Variants in FAM184A observed in about 807,000 individuals in gnomAD.
FAM184A encodes the protein protein FAM184A.
Under a neutral mutation model 143.8 loss-of-function variants are expected in FAM184A, and 99 were observed. The ratio of observed to expected loss-of-function variants is 0.69; its 90% CI spans 0.58 to 0.81. The LOEUF (loss-of-function observed/expected upper bound fraction) is 0.81. FAM184A is among the 40% of genes least tolerant of loss of function. FAM184A has a pLI of 0.00. For synonymous variants in FAM184A, 427 were observed against 446.4 expected (o/e 0.96, Z 0.55); for missense variants, 1,217 against 1,310.5 (o/e 0.93, Z 1.10).
intron 1 of FAM184A, among the ~76,000 whole-genome samples, chr6:119,056,740 A>T (rs766287650): frequency 6.6e-6 from 1 of 152,204 alleles, no homozygotes; most frequent in Non-Finnish European, 1.5e-5. Flanking sequence ...CAACCATCAC[A>T]AACATTCTGT....
At chr6:119,010,106 C>T (rs1188161655) in intron 6 of FAM184A, among the ~76,000 whole-genome samples, 2 of 152,158 alleles carry the variant, frequency 1.3e-5, no homozygotes. Context: ...GCAAACAAAA[C>T]TTGTGTGAAC....
At chr6:119,107,645 G>T (rs1788820615) in intron 1 of FAM184A, among the ~76,000 whole-genome samples, 1 of 152,074 alleles carries the variant, frequency 6.6e-6, no homozygotes, top group African/African-American at 2.4e-5. Context: ...GGGCATGGTG[G>T]CATGCACCTG....
chr6:119,122,144 C>T (rs569919136), intron 1 of FAM184A, among the ~76,000 whole-genome samples: 162 of 152,242 alleles, frequency 1.1e-3, no homozygotes, highest in African/African-American at 3.8e-3. Flanking sequence ...ACTGCTCTTT[C>T]TCTGTGGGGA....
chr6:119,085,958 G>C (rs929915959), intron 1 of FAM184A, among the ~76,000 whole-genome samples: 2 of 152,074 alleles, frequency 1.3e-5, no homozygotes, highest in Middle Eastern at 3.2e-3. Flanking sequence ...ACAGCACCAA[G>C]GGGATGGTGC....
intron 1 of FAM184A, among the ~76,000 whole-genome samples, chr6:119,107,725 CCGAGATCT>C (rs1420688665): frequency 6.7e-6 from 1 of 149,892 alleles, no homozygotes; most frequent in Non-Finnish European, 1.5e-5. Flanking sequence ...TTGCAGTGAA[CCGAGATCT>C]CGCCACTGCA....
intron 1 of FAM184A, among the ~76,000 whole-genome samples, chr6:119,075,485 A>G (rs866558302): frequency 6.6e-6 from 1 of 152,210 alleles, no homozygotes; most frequent in Admixed American, 6.5e-5. Context: ...GGCTTGCTCA[A>G]GGTCACAATA....
At chr6:119,096,958 CT>C (rs1483789888) in intron 1 of FAM184A, among the ~76,000 whole-genome samples, 1 of 152,172 alleles carries the variant, frequency 6.6e-6, no homozygotes, top group Non-Finnish European at 1.5e-5. Context: ...GACATTTCCT[CT>C]CTTTTCTCAT....
intron 9 of FAM184A, among the ~76,000 whole-genome samples, chr6:118,999,319 C>A (rs575351718): frequency 1.3e-5 from 2 of 152,216 alleles, no homozygotes; most frequent in East Asian, 3.9e-4. Context: ...ATTAAGCTTC[C>A]TAAAATAAAA....
intron 1 of FAM184A, among the ~76,000 whole-genome samples, chr6:119,117,308 G>A (rs1789085429): frequency 6.6e-6 from 1 of 152,228 alleles, no homozygotes; most frequent in Non-Finnish European, 1.5e-5. Flanking sequence ...ACATAGTGGT[G>A]CCCTTAACTA....
intron 1 of FAM184A, among the ~76,000 whole-genome samples, chr6:119,122,009 T>C (rs1789227448): frequency 6.6e-6 from 1 of 152,190 alleles, no homozygotes; most frequent in South Asian, 2.1e-4. Flanking sequence ...CCTCAAGCAG[T>C]CCTCCCACCT....
rs558106135 is a variant in FAM184A, at chr6:119,049,818, G to A, written c.160-25005C>T. Among the ~76,000 whole-genome samples the A allele has an allele frequency of 5.3e-5, 8 of 152,288 alleles. 2 individuals are homozygous for A. In the South Asian group the frequency reaches 1.7e-3, roughly 32 times the overall value. On this transcript the variant is annotated intron_variant, in intron 1 of 17. Transcript: ENST00000338891. ...GACACCAAAAACAATCACGACAAAA[G>A]CCAAAATTGACAAGTGGGATCTAAT...
intron 1 of FAM184A, among the ~76,000 whole-genome samples, chr6:119,132,643 G>A (rs1012454968): frequency 6.6e-6 from 1 of 152,178 alleles, no homozygotes; most frequent in Admixed American, 6.5e-5. Context: ...ACTCTGCCCT[G>A]TCTATTCTAC....
chr6:119,040,908 C>CT (rs1786304368), intron 1 of FAM184A, among the ~76,000 whole-genome samples: 1 of 152,154 alleles, frequency 6.6e-6, no homozygotes, highest in Admixed American at 6.5e-5. Context: ...TATGTTTGAA[C>CT]TTTTGTTCCA....
Position 119,020,039 on chromosome 6 carries a change from A to C in FAM184A, c.1271T>G (p.Leu424Trp). 1 of 1,605,830 alleles carries C rather than the reference A, an allele frequency of 6.2e-7. No homozygotes were observed. The highest frequency in any genetic ancestry group is 8.5e-7 in the Non-Finnish European group (1 of 1,177,476). Residue 424 changes from leucine (L) to tryptophan (W), a missense_variant, in exon 4 of 18, where the codon TTG becomes TGG. Coordinates refer to ENST00000338891, the MANE Select transcript of FAM184A (RefSeq NM_024581.6). ...LSQLEEERAFLRSKTQSLDEE... is the reference protein window; with the variant it reads ...LSQLEEERAFWRSKTQSLDEE... The stretch of plus-strand genomic sequence containing the variant: ...ATCCAGACTTTGGGTTTTGCTTCGC[A>C]AAAAAGCTCTTTCCTCTTCAAGTTG...
intron 9 of FAM184A, among the ~76,000 whole-genome samples, chr6:118,998,977 T>C (rs1371079590): frequency 6.6e-6 from 1 of 151,984 alleles, no homozygotes; most frequent in Admixed American, 6.6e-5. Flanking sequence ...TGGTAAAGAG[T>C]AGAAACAAGG....
At chr6:118,989,515 A>G in intron 9 of FAM184A, among the ~76,000 whole-genome samples, 1 of 152,060 alleles carries the variant, frequency 6.6e-6, no homozygotes, top group Non-Finnish European at 1.5e-5. Flanking sequence ...CAATCTAAAG[A>G]TAGTTTTTAT....
chr6:119,007,704 G>A (rs750537135), intron 6 of FAM184A, among the ~76,000 whole-genome samples: 1 of 152,166 alleles, frequency 6.6e-6, no homozygotes, highest in Non-Finnish European at 1.5e-5. Flanking sequence ...ACTTTGGGAG[G>A]CCGAGGCAGG....
At chr6:118,986,184 T>C (rs1353717471) in intron 9 of FAM184A, among the ~76,000 whole-genome samples, 1 of 152,028 alleles carries the variant, frequency 6.6e-6, no homozygotes, top group African/African-American at 2.4e-5. Flanking sequence ...TCCCAGCTAC[T>C]TGGGAGGCTG....
At chr6:119,015,247 G>A (rs1236240934) in intron 5 of FAM184A, among the ~76,000 whole-genome samples, 4 of 152,134 alleles carry the variant, frequency 2.6e-5, no homozygotes, top group African/African-American at 9.7e-5. Context: ...CCTTCGGCCT[G>A]CCGCTGCACT....
Sources: allele counts gnomAD v4.1 joint callset (sites outside exome capture counted in the v4.1 genomes callset), GRCh38; gene constraint gnomAD v4.1.1; transcripts MANE v1.5; gene names NCBI Gene and HGNC (gene_info 2026-07-23, HGNC 2026-07-21).